ROBO2: variants seen among roughly 807,000 people sequenced by gnomAD.
The protein encoded by ROBO2 is roundabout homolog 2.
ROBO2 carries 53 observed loss-of-function variants against 160.8 expected under a neutral mutation model. The ratio of observed to expected loss-of-function variants is 0.33; its 90% CI spans 0.26 to 0.41. The LOEUF is 0.41. ROBO2 is among the 10% of genes least tolerant of loss of function. The probability of loss-of-function intolerance (pLI) is 1.00; values close to 1 mark genes in which losing one functional copy is unlikely to be tolerated. For synonymous variants in ROBO2, 664 were observed against 611.7 expected (o/e 1.09, Z -1.26); for missense variants, 1,577 against 1,722.4 (o/e 0.92, Z 1.49).
intron 2 of ROBO2, among the ~76,000 whole-genome samples, chr3:76,356,984 A>G (rs2075210057): frequency 6.6e-6 from 1 of 151,900 alleles, no homozygotes; most frequent in South Asian, 2.1e-4. Context: ...AATAGTATTT[A>G]CAACCTCAAA....
intron 2 of ROBO2, among the ~76,000 whole-genome samples, chr3:76,305,236 G>C (rs2071277218): frequency 6.6e-6 from 1 of 151,280 alleles, no homozygotes; most frequent in South Asian, 2.1e-4. Context: ...CAAAAAGCTA[G>C]AAAAATTAGC....
chr3:76,713,753 A>G (rs2093337397), intron 2 of ROBO2, among the ~76,000 whole-genome samples: 1 of 152,170 alleles, frequency 6.6e-6, no homozygotes, highest in African/African-American at 2.4e-5. Flanking sequence ...CAACATTAAC[A>G]ACATGCTTTT....
intron 2 of ROBO2, among the ~76,000 whole-genome samples, chr3:76,719,110 G>T (rs1227683148): frequency 6.6e-6 from 1 of 152,072 alleles, no homozygotes; most frequent in African/African-American, 2.4e-5. Context: ...TTTAGAGATA[G>T]AAAATTGAAG....
intron 2 of ROBO2, chr3:77,317,243 G>T: frequency 1.3e-6 from 1 of 788,948 alleles, no homozygotes; most frequent in Non-Finnish European, 2.3e-6. Flanking sequence ...AGGTTAATGT[G>T]CTCCCACTTG....
chr3:77,016,750 G>A (rs2062288819), intron 2 of ROBO2, among the ~76,000 whole-genome samples: 1 of 152,126 alleles, frequency 6.6e-6, no homozygotes, highest in African/African-American at 2.4e-5. Context: ...GGAGTGTTAG[G>A]GGGATCTGGA....
intron 5 of ROBO2, among the ~76,000 whole-genome samples, chr3:77,517,105 A>G (rs1025792426): frequency 6.6e-6 from 1 of 151,710 alleles, no homozygotes; most frequent in African/African-American, 2.4e-5. Flanking sequence ...TGTGCTTTGA[A>G]GAAAATAAAA....
At chr3:77,262,165 A>G (rs1375878685) in intron 2 of ROBO2, among the ~76,000 whole-genome samples, 3 of 152,182 alleles carry the variant, frequency 2.0e-5, no homozygotes, top group Non-Finnish European at 4.4e-5. Context: ...ATTTCATACA[A>G]TAGCTGGAGG....
intron 9 of ROBO2, among the ~76,000 whole-genome samples, chr3:77,561,711 T>G (rs1485832086): frequency 6.6e-6 from 1 of 152,118 alleles, no homozygotes; most frequent in Non-Finnish European, 1.5e-5. Flanking sequence ...CATAGCCACA[T>G]TTTTTTAATG....
chr3:77,239,860 T>G (rs549487465), intron 2 of ROBO2, among the ~76,000 whole-genome samples: 1 of 151,970 alleles, frequency 6.6e-6, no homozygotes, highest in African/African-American at 2.4e-5. Context: ...TTTAGCTAGA[T>G]GTAAAAGTTC....
At position 76,499,171 on chromosome 3, in the gene ROBO2, T is replaced by C. The variant is rs2080324918; in HGVS notation, c.109+561569T>C. ...TGATCTCATGACCTTATTGGAGGGA[T>C]GATATTTGGAAGATTACACCTGCCA... is the stretch of plus-strand genomic sequence containing the variant. On this transcript the variant is annotated intron_variant, in intron 2 of 26. Coordinates refer to the ROBO2 transcript ENST00000487694. Among the ~76,000 whole-genome samples, 3 of 152,184 alleles carry C rather than the reference T, an allele frequency of 2.0e-5. No homozygotes were observed. The South Asian group carries it at 6.2e-4, about 31-fold the overall frequency.
rs1015980672 is a variant in ROBO2, at chr3:76,622,263, A to G, written c.110-475751A>G. On this transcript the variant is annotated intron_variant, in intron 2 of 26. Coordinates refer to the ROBO2 transcript ENST00000487694. ...GAAAGAAAGAAAGAAAGAAAGAAAG[A>G]AAGAAAGAAAGAAAGAAAGAAAGAA... 1.4e-3 allele frequency among the ~76,000 whole-genome samples: 76 copies of G among 52,892 alleles called. 2 individuals carry two copies. The highest frequency in any genetic ancestry group is 3.7e-3 in the South Asian group (4 of 1,070). The allele number at this position is 52,892 out of a possible 152,430, so 34.7% of individuals were successfully genotyped here.
At chr3:76,095,733 GAC>G (rs1329688945) in intron 2 of ROBO2, among the ~76,000 whole-genome samples, 1 of 147,196 alleles carries the variant, frequency 6.8e-6, no homozygotes, top group Non-Finnish European at 1.5e-5. Context: ...TTATATACAA[GAC>G]ACATAGTATG....
intron 2 of ROBO2, among the ~76,000 whole-genome samples, chr3:76,539,531 G>A (rs1347398753): frequency 6.6e-6 from 1 of 151,950 alleles, no homozygotes; most frequent in Non-Finnish European, 1.5e-5. Flanking sequence ...TGTTTAAGTA[G>A]CAAAGTATAC....
chr3:76,242,733 A>C (rs1026416481), intron 2 of ROBO2, among the ~76,000 whole-genome samples: 2 of 151,968 alleles, frequency 1.3e-5, no homozygotes, highest in Non-Finnish European at 2.9e-5. Context: ...AAAATATAAA[A>C]AATTGGCAAG....
chr3:76,226,449 C>G (rs1384603456), intron 2 of ROBO2, among the ~76,000 whole-genome samples: 1 of 151,946 alleles, frequency 6.6e-6, no homozygotes, highest in East Asian at 1.9e-4. Context: ...TTGTTGTGGT[C>G]AGAATTGTCA....
intron 2 of ROBO2, among the ~76,000 whole-genome samples, chr3:77,101,559 C>CA (rs2071935285): frequency 6.6e-6 from 1 of 152,128 alleles, no homozygotes; most frequent in Admixed American, 6.6e-5. Context: ...GATGTGATTT[C>CA]CAGGCAGGCT....
At chr3:77,017,012 A>G (rs2062311433) in intron 2 of ROBO2, among the ~76,000 whole-genome samples, 1 of 152,208 alleles carries the variant, frequency 6.6e-6, no homozygotes. Flanking sequence ...TGCCACTTCT[A>G]AATGCTTCAA....
chr3:76,742,127 A>C (rs2108054083), intron 2 of ROBO2, among the ~76,000 whole-genome samples: 1 of 152,292 alleles, frequency 6.6e-6, no homozygotes, highest in Non-Finnish European at 1.5e-5. Context: ...TTATCTAATT[A>C]GATTTCCTGA....
chr3:77,304,346 G>C (rs1323485847), intron 2 of ROBO2, among the ~76,000 whole-genome samples: 1 of 152,214 alleles, frequency 6.6e-6, no homozygotes, highest in Non-Finnish European at 1.5e-5. Flanking sequence ...GCCATTGCCT[G>C]AAGGCACGGT....
Sources: allele counts gnomAD v4.1 joint callset (sites outside exome capture counted in the v4.1 genomes callset), GRCh38; gene constraint gnomAD v4.1.1; transcripts MANE v1.5; gene names NCBI Gene and HGNC (gene_info 2026-07-23, HGNC 2026-07-21).